The following ATP6V0A1 variants were observed in gnomAD, a reference collection of about 807,000 sequenced individuals.
The protein encoded by ATP6V0A1 is V-type proton ATPase 116 kDa subunit a 1.
ATP6V0A1 carries 43 observed loss-of-function variants against 105.4 expected under a neutral mutation model. The ratio of observed to expected loss-of-function variants is 0.41; its 90% confidence interval spans 0.32 to 0.53. The LOEUF is 0.53. Ranked by LOEUF, ATP6V0A1 falls within the 20% of genes least tolerant of loss-of-function variation. The probability of loss-of-function intolerance (pLI) is 0.30; values close to 1 mark genes in which losing one functional copy is unlikely to be tolerated. For missense variants in ATP6V0A1, 676 were observed against 1,051.1 expected, an observed-to-expected ratio of 0.64 and a Z score of 4.93; for synonymous variants, 362 against 372.8, an observed-to-expected ratio of 0.97 and a Z score of 0.33.
chr17:42,513,808 T>C (rs2092470771), intron 19 of ATP6V0A1, 53 bp from the exon 20 acceptor site: 2 of 1,539,980 alleles, frequency 1.3e-6, no homozygotes, highest in Admixed American at 1.7e-5. Flanking sequence ...TCAGAATGCC[T>C]GCACGTTCCC....
At chr17:42,520,649 G>A (rs1404711913) in intron 21 of ATP6V0A1, 6 of 458,294 alleles carry the variant, frequency 1.3e-5, no homozygotes, top group Non-Finnish European at 2.6e-5. Flanking sequence ...CTCTGGAGGG[G>A]CTTCCCTTAG....
At chr17:42,496,829 C>T (rs1359820923) in intron 14 of ATP6V0A1, among the ~76,000 whole-genome samples, 1 of 151,924 alleles carries the variant, frequency 6.6e-6, no homozygotes, top group African/African-American at 2.4e-5. Context: ...TAGCAAGACT[C>T]CATCTCAAAA....
At chr17:42,517,533 G>A (rs1226726267) in intron 21 of ATP6V0A1, among the ~76,000 whole-genome samples, 1 of 152,202 alleles carries the variant, frequency 6.6e-6, no homozygotes, top group Non-Finnish European at 1.5e-5. Context: ...CCTCCTTTGT[G>A]CAACTTCCAG....
intron 11 of ATP6V0A1, 46 bp from the exon 12 acceptor site, chr17:42,494,288 A>G (rs200130950): frequency 2.5e-4 from 382 of 1,534,360 alleles, no homozygotes; most frequent in South Asian, 2.6e-4. Context: ...TGGAATTGCT[A>G]TGGTTTAATG....
At chr17:42,482,916 A>T in intron 8 of ATP6V0A1, 122 bp from the exon 9 acceptor site, 3 of 433,904 alleles carry the variant, frequency 6.9e-6, no homozygotes, top group East Asian at 4.4e-5. Context: ...AAAAAAAAAA[A>T]GTGTTGACTT....
At chr17:42,477,552 CT>C in intron 5 of ATP6V0A1, 107 bp from the exon 6 acceptor site, 4 of 1,119,528 alleles carry the variant, frequency 3.6e-6, no homozygotes, top group Non-Finnish European at 5.1e-6. Flanking sequence ...CTTTTTCATC[CT>C]TATTTTCTGA....
Position 42,520,384 on chromosome 17 carries a change from A to T in ATP6V0A1, c.2421-643A>T, listed in dbSNP as rs1314768226. On this transcript the variant is annotated intron_variant, in intron 21 of 21. Coordinates refer to ENST00000343619, the MANE Select transcript of ATP6V0A1 (RefSeq NM_001130021.3). ...GTGAAAGGGCCCCACAGAGACCATC[A>T]GGCATGGATGCTGAACTGCTGGGAA... 104 of 455,274 alleles carry T rather than the reference A, an allele frequency of 2.3e-4. 1 individual carries two copies. In the Admixed American group the frequency reaches 2.5e-3, roughly 11 times the overall value. 28.2% of individuals were successfully genotyped at this position (455,274 alleles called of 1,614,324 possible). A position where few individuals can be genotyped will look rare whatever the true frequency, so the allele number is the denominator to read the frequency against.
intron 21 of ATP6V0A1, chr17:42,518,467 G>A (rs896427144): frequency 6.6e-6 from 1 of 152,208 alleles, no homozygotes; most frequent in Non-Finnish European, 1.5e-5. Context: ...GGCCCTGAAC[G>A]GCACAGAGAG....
chr17:42,514,031 A>C, intron 20 of ATP6V0A1, 53 bp downstream of exon 20: 3 of 1,554,258 alleles, frequency 1.9e-6, no homozygotes, highest in Non-Finnish European at 2.7e-6. Flanking sequence ...CTGTGGGCGC[A>C]CTGTCAGTTG....
intron 17 of ATP6V0A1, among the ~76,000 whole-genome samples, chr17:42,506,334 A>C (rs2092022057): frequency 1.3e-5 from 2 of 152,260 alleles, no homozygotes; most frequent in Admixed American, 1.3e-4. Flanking sequence ...GGGTAATTCT[A>C]ATGCAACTAG....
At chr17:42,488,505 T>C (rs1265328045) in intron 10 of ATP6V0A1, among the ~76,000 whole-genome samples, 1 of 152,166 alleles carries the variant, frequency 6.6e-6, no homozygotes, top group Non-Finnish European at 1.5e-5. Context: ...AAGATCTTGC[T>C]CTGTTACCCA....
At position 42,466,518 on chromosome 17, in the gene ATP6V0A1, T is replaced by G. The variant is rs769407335; in HGVS notation, c.196+11T>G. ...TGGATCGAAAGCTTCGTATGTGCAC[T>G]TTGGTCTTGTGTAATGTTCCTTTAA... On this transcript the variant is annotated intron_variant, in intron 3 of 21. Coordinates refer to ENST00000343619, the MANE Select transcript of ATP6V0A1 (RefSeq NM_001130021.3). 1 of 1,608,436 alleles carries G rather than the reference T, an allele frequency of 6.2e-7. No homozygotes were observed. The highest frequency in any genetic ancestry group is 1.3e-5 in the African/African-American group (1 of 74,948).
chr17:42,488,051 A>G (rs747000917), intron 10 of ATP6V0A1, among the ~76,000 whole-genome samples: 5 of 152,144 alleles, frequency 3.3e-5, no homozygotes, highest in Non-Finnish European at 7.3e-5. Flanking sequence ...TAGAACAACT[A>G]CTCTGTCCAC....
At position 42,494,765 on chromosome 17, in the gene ATP6V0A1, T is replaced by C. The variant is rs2091000725; in HGVS notation, c.1315-269T>C. On this transcript the variant is annotated intron_variant, in intron 12 of 21. Transcript: ENST00000343619. ...TCTAAAAAAATAAAAATTATTTAGG[T>C]TTGGTGCAAAAGTTATTGCGGTTTT... The C allele has an allele frequency of 6.3e-6, 3 of 476,730 alleles. No homozygotes were observed. The East Asian group carries it at 9.9e-5, about 16-fold the overall frequency. The allele number at this position is 476,730 out of a possible 1,614,324, so 29.5% of individuals were successfully genotyped here. A position where few individuals can be genotyped will look rare whatever the true frequency, so the allele number is the denominator to read the frequency against.
chr17:42,507,566 A>T lies in ATP6V0A1; in HGVS notation c.2051A>T (p.Glu684Val). The T allele has an allele frequency of 6.2e-7, 1 of 1,613,668 alleles. No homozygotes were observed. The highest frequency in any genetic ancestry group is 8.5e-7 in the Non-Finnish European group (1 of 1,179,856). The change falls in exon 18 of 22, where the codon GAG (glutamate) becomes GTG (valine). Residue 684 changes from glutamate to valine, a missense_variant. Physicochemically the swap from Glu to Val is moderately radical, Grantham distance 121. Transcript: ENST00000343619. ...ATCAGGGTGGGCAACGGACCGACAG[A>T]GGAGGATGCTGAGATTATTCAGCAT... Reference protein sequence around the residue: ...GGIRVGNGPTEEDAEIIQHDQ... With the variant: ...GGIRVGNGPTVEDAEIIQHDQ...
intron 11 of ATP6V0A1, among the ~76,000 whole-genome samples, chr17:42,492,345 G>C (rs2090727016): frequency 6.6e-6 from 1 of 151,660 alleles, no homozygotes; most frequent in Non-Finnish European, 1.5e-5. Flanking sequence ...CTCCAGCTTG[G>C]GCAACAACAA....
intron 15 of ATP6V0A1, among the ~76,000 whole-genome samples, chr17:42,499,703 G>A (rs1444064568): frequency 2.0e-5 from 3 of 151,372 alleles, no homozygotes; most frequent in Non-Finnish European, 4.4e-5. Context: ...CAGGAGAATT[G>A]CTTGAACCCA....
At chr17:42,520,721 G>A (rs8067384) in intron 21 of ATP6V0A1, 31,679 of 426,040 alleles carry the variant, frequency 0.074, 1,353 homozygotes, top group East Asian at 0.16. Flanking sequence ...CATTAACGAT[G>A]TTAGGCTCAA....
intron 20 of ATP6V0A1, 109 bp from the exon 21 acceptor site, chr17:42,514,180 G>A: frequency 5.6e-6 from 8 of 1,419,986 alleles, no homozygotes; most frequent in Non-Finnish European, 7.7e-6. Context: ...AAGGCAGTGG[G>A]AAGCCAGGAT....
Sources: allele counts gnomAD v4.1 joint callset (sites outside exome capture counted in the v4.1 genomes callset), GRCh38; gene constraint gnomAD v4.1.1; transcripts MANE v1.5; gene names NCBI Gene and HGNC (gene_info 2026-07-23, HGNC 2026-07-21).